INPP4B: variants seen among roughly 807,000 people sequenced by gnomAD.
INPP4B encodes inositol polyphosphate 4-phosphatase type II.
Under a neutral mutation model 122.5 loss-of-function variants are expected in INPP4B, and 55 were observed. The ratio of observed to expected loss-of-function variants is 0.45; its 90% confidence interval spans 0.36 to 0.56. The LOEUF is 0.56. Ranked by LOEUF, INPP4B falls within the 20% of genes least tolerant of loss-of-function variation. The pLI is 0.00. For missense variants in INPP4B, 1,000 were observed against 1,097.7 expected (o/e 0.91, Z 1.26); for synonymous variants, 403 against 388.7 (o/e 1.04, Z -0.43).
intron 1 of INPP4B, among the ~76,000 whole-genome samples, chr4:142,806,783 GAAGGA>G (rs1778842211): frequency 1.5e-5 from 1 of 65,902 alleles, no homozygotes; most frequent in Admixed American, 1.4e-4. Flanking sequence ...AAGAAAGAAA[GAAGGA>G]AAGAAAGAAA....
At chr4:142,050,214 G>A (rs1240839754) in intron 25 of INPP4B, among the ~76,000 whole-genome samples, 2 of 152,044 alleles carry the variant, frequency 1.3e-5, no homozygotes, top group East Asian at 3.9e-4. Context: ...GGGAAGAATT[G>A]ACTTAGTACA....
rs907117348 is a variant in INPP4B, at chr4:142,023,771, T to A, written c.*5011A>T. 3.3e-5 allele frequency: 5 copies of A among 152,040 alleles called. No individual in the cohort carries two copies. The South Asian group carries it at 1.0e-3, about 31-fold the overall frequency. The allele number at this position is 152,040 out of a possible 1,614,324, so 9.4% of individuals were successfully genotyped here. On this transcript the variant is annotated 3_prime_UTR_variant, in exon 26 of 26. Transcript: ENST00000262992. ...AAGAACTGTATTTACTAAAATATAT[T>A]TTTTTTGGCAAGATGTGATTTATCA...
At chr4:142,425,544 C>T (rs1427133956) in intron 5 of INPP4B, among the ~76,000 whole-genome samples, 2 of 151,930 alleles carry the variant, frequency 1.3e-5, no homozygotes, top group Admixed American at 6.6e-5. Context: ...TATTATGTGT[C>T]ATTTCAATGT....
At chr4:142,747,171 T>G (rs1447973285) in intron 1 of INPP4B, among the ~76,000 whole-genome samples, 2 of 130,546 alleles carry the variant, frequency 1.5e-5, no homozygotes, top group Non-Finnish European at 3.4e-5. Context: ...TAAACAAATT[T>G]ACAAGAAAAA....
At chr4:142,503,172 A>G (rs1306410686) in intron 2 of INPP4B, among the ~76,000 whole-genome samples, 3 of 152,178 alleles carry the variant, frequency 2.0e-5, no homozygotes. Context: ...GCTTGTAAAA[A>G]TACTCTAACC....
chr4:142,571,262 C>T (rs1330449237), intron 2 of INPP4B, among the ~76,000 whole-genome samples: 4 of 151,928 alleles, frequency 2.6e-5, no homozygotes, highest in African/African-American at 4.8e-5. Context: ...TGACTTACAA[C>T]CCCAGCAACC....
At chr4:142,537,400 G>GCATATATATATATA (rs781076599) in intron 2 of INPP4B, among the ~76,000 whole-genome samples, 2 of 32,982 alleles carry the variant, frequency 6.1e-5, no homozygotes, top group Non-Finnish European at 1.4e-4. Context: ...TTTACATACA[G>GCATATATATATATA]TATATATATA....
At chr4:142,206,334 C>T (rs1842565233) in intron 14 of INPP4B, among the ~76,000 whole-genome samples, 1 of 146,362 alleles carries the variant, frequency 6.8e-6, no homozygotes, top group East Asian at 2.0e-4. Context: ...ATGCCTTGGG[C>T]CCATCCATCT....
chr4:142,225,737 T>A (rs1406176878), intron 12 of INPP4B, among the ~76,000 whole-genome samples: 5 of 151,902 alleles, frequency 3.3e-5, no homozygotes, highest in Admixed American at 6.6e-5. Context: ...AGAAAAAAAA[T>A]ATGACATAGA....
intron 2 of INPP4B, among the ~76,000 whole-genome samples, chr4:142,565,446 G>A (rs951622576): frequency 2.0e-5 from 3 of 152,182 alleles, no homozygotes; most frequent in African/African-American, 7.2e-5. Context: ...AAGGGTTCAT[G>A]TGTCTGTACT....
At chr4:142,602,773 T>A (rs985059127) in intron 2 of INPP4B, among the ~76,000 whole-genome samples, 1 of 152,202 alleles carries the variant, frequency 6.6e-6, no homozygotes, top group Admixed American at 6.5e-5. Context: ...GAGTGTAAAT[T>A]AGTTCAACCA....
At chr4:142,835,701 T>C (rs1384196751) in intron 1 of INPP4B, among the ~76,000 whole-genome samples, 1 of 152,204 alleles carries the variant, frequency 6.6e-6, no homozygotes, top group Non-Finnish European at 1.5e-5. Flanking sequence ...AAGTAATAGA[T>C]AATTTTGGAT....
Position 142,368,865 on chromosome 4 carries a change from G to A in INPP4B, c.372+34073C>T, listed in dbSNP as rs188662293. Among the ~76,000 whole-genome samples, 155 of 152,168 alleles carry A rather than the reference G, an allele frequency of 1.0e-3. 1 individual carries two copies. The highest frequency in any genetic ancestry group is 3.6e-3 in the African/African-American group (150 of 41,518). On this transcript the variant is annotated intron_variant, in intron 7 of 25. Coordinates refer to ENST00000262992, the MANE Select transcript of INPP4B (RefSeq NM_001101669.3). Reference sequence around the variant, plus strand: ...ATCTAGGAAGAACAAGCCCTTGGGGGAAACACAGGATTCCAAGTGAGTGTG... The same window carrying A: ...ATCTAGGAAGAACAAGCCCTTGGGGAAAACACAGGATTCCAAGTGAGTGTG...
intron 11 of INPP4B, among the ~76,000 whole-genome samples, chr4:142,259,461 T>C (rs1738501066): frequency 6.6e-6 from 1 of 151,680 alleles, no homozygotes; most frequent in South Asian, 2.1e-4. Context: ...TGAATTTCAA[T>C]TTTTTAAGTG....
chr4:142,469,850 T>C (rs560947397), intron 2 of INPP4B, among the ~76,000 whole-genome samples: 2 of 152,232 alleles, frequency 1.3e-5, no homozygotes, highest in East Asian at 1.9e-4. Context: ...GACTCCAAGG[T>C]TGCATATAGA....
chr4:142,523,472 G>A (rs1266064109), intron 2 of INPP4B, among the ~76,000 whole-genome samples: 1 of 151,936 alleles, frequency 6.6e-6, no homozygotes, highest in Non-Finnish European at 1.5e-5. Flanking sequence ...GTTTTATTTT[G>A]CTGAAAAGCT....
intron 12 of INPP4B, among the ~76,000 whole-genome samples, chr4:142,216,476 T>C (rs1049523429): frequency 4.6e-5 from 7 of 152,232 alleles, no homozygotes; most frequent in African/African-American, 1.7e-4. Flanking sequence ...TAATTGCTAA[T>C]GTCTATTCAG....
chr4:142,842,620 T>C (rs560340228), intron 1 of INPP4B, among the ~76,000 whole-genome samples: 1 of 135,848 alleles, frequency 7.4e-6, no homozygotes, highest in Admixed American at 8.1e-5. Flanking sequence ...ATATAATATA[T>C]TTATATATAA....
chr4:142,541,760 T>C (rs541073584), intron 2 of INPP4B, among the ~76,000 whole-genome samples: 1 of 152,212 alleles, frequency 6.6e-6, no homozygotes, highest in African/African-American at 2.4e-5. Context: ...TCAACTCCTA[T>C]ATCATGCTTG....
Sources: gnomAD v4.1 joint callset for allele counts (sites outside exome capture counted in the v4.1 genomes callset) on GRCh38, gnomAD v4.1.1 for gene constraint, MANE v1.5 for transcripts, NCBI Gene and HGNC (gene_info 2026-07-23, HGNC 2026-07-21) for gene names.